The following CDK11A variants were observed in gnomAD, a reference collection of about 807,000 sequenced individuals.
CDK11A encodes cyclin-dependent kinase 11A.
A neutral mutation model predicts 83.6 loss-of-function variants in CDK11A; 55 were observed. That is an observed-to-expected ratio of 0.66 (90% confidence interval 0.53 to 0.82). CDK11A has a LOEUF of 0.82. CDK11A is among the 40% of genes least tolerant of loss of function. CDK11A has a pLI of 0.00. For missense variants in CDK11A, 564 were observed against 810.1 expected, an observed-to-expected ratio of 0.70 and a Z score of 3.69; for synonymous variants, 247 against 302.7, an observed-to-expected ratio of 0.82 and a Z score of 1.91.
chr1:1,704,343 C>T lies in CDK11A; in HGVS notation c.1566G>A (p.Gly522=), dbSNP rs1235578744. Residue 522 remains glycine, a splice_region_variant and synonymous_variant, in exon 15 of 20, where the codon GGG becomes GGA. Transcript: ENST00000404249. The stretch of plus-strand genomic sequence containing the variant: ...GCTGGATCATCAGGGTCTTCACCTC[C>T]CCTGGGAGGGAGGGAGGCTCCCATG... ...METMKQPFLP[G]EVKTLMIQLL... 1 of 1,607,144 alleles carries T rather than the reference C, an allele frequency of 6.2e-7. No individual in the cohort carries two copies. Among genetic ancestry groups the T allele is most frequent in the Non-Finnish European group, 8.5e-7 (1 of 1,176,094 alleles).
Position 1,703,977 on chromosome 1 carries a change from C to A in CDK11A, c.1795-37G>T, listed in dbSNP as rs371892524. On this transcript the variant is annotated intron_variant, in intron 16 of 19. Transcript: ENST00000404249. ...GGAGAGGTGTTCAGGAAGGCCAGTG[C>A]CCGCGAAGCTGTGGGAGGCTGCATG... 3.1e-6 allele frequency: 5 copies of A among 1,607,590 alleles called. No individual in the cohort carries two copies. In the African/African-American group the frequency reaches 6.7e-5, roughly 22 times the overall value.
chr1:1,706,011 G>C (rs1371141857), intron 11 of CDK11A, among the ~76,000 whole-genome samples: 2 of 150,820 alleles, frequency 1.3e-5, no homozygotes, highest in African/African-American at 2.4e-5. Context: ...GGGAGGGCAA[G>C]GCAGGAGGAT....
chr1:1,722,430 A>C, intron 2 of CDK11A: 1 of 697,518 alleles, frequency 1.4e-6, no homozygotes, highest in South Asian at 1.7e-5. Context: ...AGTATTATGA[A>C]TATACTAATA....
rs559796589 is a variant in CDK11A at position 1,720,961 on chromosome 1, G to A, written c.227+635C>T. On this transcript the variant is annotated intron_variant, in intron 3 of 19. Coordinates refer to ENST00000404249, the MANE Select transcript of CDK11A (RefSeq NM_024011.4). ...CCCTGTCACAGTAATCCTAGGTCGT[G>A]GCTCGCACCTGTAATCCCAGCATTT... 3.3e-4 allele frequency among the ~76,000 whole-genome samples: 50 copies of A among 150,744 alleles called. 2 individuals are homozygous for A. Among genetic ancestry groups the A allele is most frequent in the Middle Eastern group, 7.0e-3 (2 of 284 alleles).
At chr1:1,717,306 T>C (rs1278208713) in intron 4 of CDK11A, among the ~76,000 whole-genome samples, 2 of 151,222 alleles carry the variant, frequency 1.3e-5, no homozygotes, top group Non-Finnish European at 3.0e-5. Context: ...CACTGTGCAA[T>C]GAAGCCACAT....
chr1:1,703,101 T>C lies in CDK11A; in HGVS notation c.2229A>G (p.Gly743=). Residue 743 remains glycine (G), a synonymous_variant, in exon 19 of 20, where the codon GGA becomes GGG. Coordinates refer to ENST00000404249, the MANE Select transcript of CDK11A (RefSeq NM_024011.4). ...KRGTSPRPPE[G]GLGYSQLGDD... ...TCACCAGCTGGCTGTAGCCCAGGCC[T>C]CCCTCAGGGGGCCTCGGGCTGGTGC... is the stretch of plus-strand genomic sequence containing the variant. The C allele has an allele frequency of 2.5e-6, 1 of 399,838 alleles. No individual in the cohort carries two copies. The highest frequency in any genetic ancestry group is 4.2e-6 in the Non-Finnish European group (1 of 235,876). 24.8% of individuals were successfully genotyped at this position (399,838 alleles called of 1,614,324 possible). A position where few individuals can be genotyped will look rare whatever the true frequency, so the allele number is the denominator to read the frequency against.
chr1:1,707,471 A>C lies in CDK11A; in HGVS notation c.1183T>G (p.Ser395Ala). Reference protein sequence around the residue: ...ALTEGDYVPDSPALLPIELKQ... With the variant: ...ALTEGDYVPDAPALLPIELKQ... ...AGCTCGATGGGCAACAGGGCAGGGG[A>C]GTCGGGCACATAGTCGCCCTCTGTC... The change falls in exon 11 of 20, where the codon TCC becomes GCC. Residue 395 changes from serine to alanine, a missense_variant. Coordinates refer to ENST00000404249, the MANE Select transcript of CDK11A (RefSeq NM_024011.4). 9 of 1,607,318 alleles carry C rather than the reference A, an allele frequency of 5.6e-6. 1 individual carries two copies. The highest frequency in any genetic ancestry group is 7.7e-6 in the Non-Finnish European group (9 of 1,175,782).
At chr1:1,706,879 A>T (rs530762872) in intron 11 of CDK11A, among the ~76,000 whole-genome samples, 1 of 149,434 alleles carries the variant, frequency 6.7e-6, no homozygotes, top group Admixed American at 6.6e-5. Flanking sequence ...CCGGTCTCCC[A>T]GGCCCCCGAG....
chr1:1,721,110 G>A (rs1336971772), intron 3 of CDK11A, among the ~76,000 whole-genome samples: 2 of 150,678 alleles, frequency 1.3e-5, no homozygotes, highest in Non-Finnish European at 3.0e-5. Context: ...GGAGAATGGT[G>A]TGAACCAGGG....
Position 1,702,715 on chromosome 1 carries a change from G to A in CDK11A, c.*192C>T, listed in dbSNP as rs1335008671. On this transcript the variant is annotated 3_prime_UTR_variant, in exon 20 of 20. Coordinates refer to ENST00000404249, the MANE Select transcript of CDK11A (RefSeq NM_024011.4). ...CCCGAAGATGCCCTGGCAAGTCACG[G>A]AGAAAACACAGCTCTTTCCTCCACA... 7 of 621,204 alleles carry A rather than the reference G, an allele frequency of 1.1e-5. No individual in the cohort carries two copies. The highest frequency in any genetic ancestry group is 2.8e-5 in the Admixed American group (1 of 36,172). 38.5% of individuals were successfully genotyped at this position (621,204 alleles called of 1,614,324 possible).
chr1:1,718,350 C>G lies in CDK11A; in HGVS notation c.355+978G>C, dbSNP rs796749829. Among the ~76,000 whole-genome samples, 2 of 142,492 alleles carry G rather than the reference C, an allele frequency of 1.4e-5. 1 individual carries two copies. The highest frequency in any genetic ancestry group is 3.1e-5 in the Non-Finnish European group (2 of 65,354). 93.5% of individuals were successfully genotyped at this position (142,492 alleles called of 152,430 possible). ...CCCTCTGAACGGTCTGTGACACACG[C>G]ATGCTTTCAGCTGGAGTTTGCTCTC... On this transcript the variant is annotated intron_variant, in intron 4 of 19. Transcript: ENST00000404249.
chr1:1,708,401 G>T (rs1477603358), intron 9 of CDK11A, among the ~76,000 whole-genome samples, 156 bp from the exon 10 acceptor site: 1 of 149,972 alleles, frequency 6.7e-6, no homozygotes, highest in Non-Finnish European at 1.5e-5. Context: ...AGTGCTTTGG[G>T]AGGCCGAGGC....
intron 4 of CDK11A, among the ~76,000 whole-genome samples, chr1:1,718,313 T>C (rs36137888): frequency 1.6e-5 from 2 of 127,894 alleles, no homozygotes; most frequent in African/African-American, 2.8e-5. Context: ...GCTAGAGTAT[T>C]CTCTCTATAG....
Position 1,717,544 on chromosome 1 carries a change from G to A in CDK11A, c.356-1066C>T, listed in dbSNP as rs527286825. ...AACTGCTCCCAAACAATATAATGGGGGAGAGAAAACCCCAGAGGAAAAATG... is the reference window on the plus strand; with the variant it reads ...AACTGCTCCCAAACAATATAATGGGAGAGAGAAAACCCCAGAGGAAAAATG... On this transcript the variant is annotated intron_variant, in intron 4 of 19. Coordinates refer to ENST00000404249, the MANE Select transcript of CDK11A (RefSeq NM_024011.4). 9.8e-4 allele frequency among the ~76,000 whole-genome samples: 148 copies of A among 151,378 alleles called. 8 individuals carry two copies. Among genetic ancestry groups the A allele is most frequent in the Non-Finnish European group, 1.8e-3 (123 of 67,748 alleles).
chr1:1,704,021 C>G lies in CDK11A; in HGVS notation c.1794+18G>C, dbSNP rs748702461. 6.3e-7 allele frequency: 1 copy of G among 1,599,492 alleles called. No homozygotes were observed. The highest frequency in any genetic ancestry group is 1.7e-5 in the Admixed American group (1 of 59,048). The stretch of plus-strand genomic sequence containing the variant: ...CTGCATGGGGGACAGGGGAGGCACT[C>G]AGACGCCCAGGACTCACCTTGGCAC... On this transcript the variant is annotated intron_variant, in intron 16 of 19. Transcript: ENST00000404249.
intron 2 of CDK11A, chr1:1,722,482 C>T: frequency 1.6e-6 from 1 of 621,358 alleles, no homozygotes; most frequent in Non-Finnish European, 2.8e-6. Context: ...AATGACTTAA[C>T]ATTCAACGTA....
At chr1:1,721,248 T>C (rs1401881824) in intron 3 of CDK11A, among the ~76,000 whole-genome samples, 1 of 150,156 alleles carries the variant, frequency 6.7e-6, no homozygotes, top group Non-Finnish European at 1.5e-5. Flanking sequence ...CTGAGCACAC[T>C]GTCACAGTAA....
chr1:1,704,376 G>C lies in CDK11A; in HGVS notation c.1565-32C>G, dbSNP rs763003762. 4 of 1,604,994 alleles carry C rather than the reference G, an allele frequency of 2.5e-6. No homozygotes were observed. In the Admixed American group the frequency reaches 5.1e-5, roughly 20 times the overall value. ...GGGAGGGAGGCTCCCATGTGGACCC[G>C]GCCGCCCCAAGCCCAGGGCACTCAG... On this transcript the variant is annotated intron_variant, in intron 14 of 19. Coordinates refer to ENST00000404249, the MANE Select transcript of CDK11A (RefSeq NM_024011.4).
intron 5 of CDK11A, 164 bp from the exon 6 acceptor site, chr1:1,712,564 G>T: frequency 1.7e-6 from 1 of 603,392 alleles, no homozygotes; most frequent in South Asian, 1.8e-5. Flanking sequence ...CCCCCAGGCT[G>T]GAGTGCGGTG....
Sources: allele counts gnomAD v4.1 joint callset (sites outside exome capture counted in the v4.1 genomes callset), GRCh38; gene constraint gnomAD v4.1.1; transcripts MANE v1.5; gene names NCBI Gene and HGNC (gene_info 2026-07-23, HGNC 2026-07-21).